COL28A1: variants seen among roughly 807,000 people sequenced by gnomAD.
COL28A1 encodes collagen type XXVIII alpha 1 chain.
A neutral mutation model predicts 150.2 loss-of-function variants in COL28A1; 161 were observed. That is an observed-to-expected ratio of 1.07 (90% CI 0.94 to 1.22). The LOEUF (loss-of-function observed/expected upper bound fraction) is 1.22. Among genes scored for constraint, COL28A1 ranks in the 50% most tolerant of loss-of-function variants. The probability of loss-of-function intolerance (pLI) is 0.00; values close to 1 mark genes in which losing one functional copy is unlikely to be tolerated. For synonymous variants in COL28A1, 552 were observed against 469.7 expected (o/e 1.18, Z -2.26); for missense variants, 1,617 against 1,388.3 (o/e 1.16, Z -2.62).
chr7:7,525,060 T>G (rs1214272819), intron 3 of COL28A1, among the ~76,000 whole-genome samples: 3 of 152,102 alleles, frequency 2.0e-5, no homozygotes, highest in East Asian at 3.8e-4. Flanking sequence ...AAAAACTAAG[T>G]GATAGAAAAG....
intron 25 of COL28A1, among the ~76,000 whole-genome samples, chr7:7,426,356 C>T (rs757176316): frequency 6.6e-5 from 10 of 152,172 alleles, no homozygotes; most frequent in Non-Finnish European, 1.3e-4. Context: ...CCACCTATGT[C>T]ATGTGTTAGG....
intron 6 of COL28A1, among the ~76,000 whole-genome samples, chr7:7,518,577 T>C (rs908049766): frequency 4.6e-5 from 7 of 152,352 alleles, no homozygotes; most frequent in Admixed American, 2.0e-4. Context: ...TTTGTTAGTA[T>C]TTGAGTACCT....
intron 18 of COL28A1, among the ~76,000 whole-genome samples, chr7:7,445,299 A>C (rs1786164369): frequency 1.3e-5 from 2 of 152,200 alleles, no homozygotes; most frequent in African/African-American, 4.8e-5. Flanking sequence ...GTGATAAGAG[A>C]GGCAAAGACT....
upstream of COL28A1, among the ~76,000 whole-genome samples, chr7:7,537,401 G>C (rs1782682111): frequency 6.6e-6 from 1 of 152,132 alleles, no homozygotes; most frequent in Admixed American, 6.5e-5. Flanking sequence ...GCCTGGCCCA[G>C]GAATTGAATT....
chr7:7,400,983 T>G (rs915648225), intron 27 of COL28A1, among the ~76,000 whole-genome samples: 77 of 132,934 alleles, frequency 5.8e-4, no homozygotes, highest in African/African-American at 2.1e-3. Flanking sequence ...TGGGTGTGTG[T>G]GTGTGTGTGT....
intron 27 of COL28A1, among the ~76,000 whole-genome samples, chr7:7,385,313 G>C (rs1044266359): frequency 4.6e-5 from 7 of 152,274 alleles, no homozygotes; most frequent in African/African-American, 1.2e-4. Context: ...CCTAAGTTAG[G>C]GGGTACAGTT....
intron 5 of COL28A1, among the ~76,000 whole-genome samples, chr7:7,521,563 T>C (rs565519976): frequency 1.3e-5 from 2 of 152,234 alleles, no homozygotes; most frequent in Non-Finnish European, 2.9e-5. Flanking sequence ...GATAAAGCTT[T>C]GCTTAAAGCA....
chr7:7,454,346 T>A (rs1349655006), intron 16 of COL28A1, among the ~76,000 whole-genome samples: 1 of 152,184 alleles, frequency 6.6e-6, no homozygotes, highest in East Asian at 1.9e-4. Context: ...ATTGAATAAC[T>A]GCATAGACAG....
downstream of COL28A1, among the ~76,000 whole-genome samples, chr7:7,355,364 C>G: frequency 1.3e-5 from 2 of 152,048 alleles, no homozygotes; most frequent in Non-Finnish European, 2.9e-5. Context: ...ACCCCAAACA[C>G]TTTGGGAGGC....
intron 18 of COL28A1, among the ~76,000 whole-genome samples, chr7:7,450,907 T>C (rs1032453932): frequency 6.6e-6 from 1 of 152,120 alleles, no homozygotes; most frequent in Non-Finnish European, 1.5e-5. Flanking sequence ...TGACTATAAA[T>C]ATATTGCAGA....
At chr7:7,361,906 C>G (rs531204017) in intron 33 of COL28A1, among the ~76,000 whole-genome samples, 32 of 152,252 alleles carry the variant, frequency 2.1e-4, no homozygotes, top group African/African-American at 7.7e-4. Flanking sequence ...TAGAAACCAT[C>G]ATTCTTAGCA....
intron 11 of COL28A1, among the ~76,000 whole-genome samples, chr7:7,497,394 TAAG>T (rs1027688168): frequency 6.6e-6 from 1 of 152,210 alleles, no homozygotes; most frequent in African/African-American, 2.4e-5. Flanking sequence ...ACCACAGCTC[TAAG>T]AAGTAGTTAC....
At chr7:7,498,459 G>A (rs1234547901) in intron 11 of COL28A1, among the ~76,000 whole-genome samples, 1 of 152,150 alleles carries the variant, frequency 6.6e-6, no homozygotes, top group Non-Finnish European at 1.5e-5. Flanking sequence ...TTGGAGGCTG[G>A]GAGGAGGGAA....
chr7:7,521,555 T>C (rs368403799), intron 5 of COL28A1, among the ~76,000 whole-genome samples: 36 of 152,376 alleles, frequency 2.4e-4, no homozygotes, highest in African/African-American at 8.4e-4. Context: ...TCTAGTAGGA[T>C]AAAGCTTTGC....
chr7:7,350,345 G>A, the COL28A1 span, among the ~76,000 whole-genome samples: 1 of 152,060 alleles, frequency 6.6e-6, no homozygotes, highest in East Asian at 1.9e-4. Context: ...TGGAATACAG[G>A]GACTCCTGGT....
chr7:7,505,385 T>G (rs1336358177), intron 11 of COL28A1, among the ~76,000 whole-genome samples: 1 of 152,192 alleles, frequency 6.6e-6, no homozygotes, highest in African/African-American at 2.4e-5. Flanking sequence ...AAAAAGGAAC[T>G]AAACAGCTTG....
At chr7:7,368,389 G>GTTTTTTTTTTTGTTTT (rs34289231) in intron 33 of COL28A1, among the ~76,000 whole-genome samples, 2 of 150,126 alleles carry the variant, frequency 1.3e-5, no homozygotes, top group African/African-American at 5.0e-5. Context: ...TTTGCCTACT[G>GTTTTTTTTTTTGTTTT]TTTTTTTTGT....
intron 15 of COL28A1, among the ~76,000 whole-genome samples, chr7:7,468,451 T>C (rs1788203318): frequency 1.9e-5 from 2 of 107,784 alleles, no homozygotes; most frequent in South Asian, 3.7e-4. Context: ...GGCTCTGAAA[T>C]TGTGGCAATA....
At chr7:7,432,407 T>C (rs1451172110) in intron 25 of COL28A1, 66 bp downstream of exon 25, 3 of 1,365,670 alleles carry the variant, frequency 2.2e-6, no homozygotes, top group Non-Finnish European at 2.1e-6. Flanking sequence ...ATTTTATTTT[T>C]ACCAAAGTCA....
Sources: allele counts gnomAD v4.1 joint callset (sites outside exome capture counted in the v4.1 genomes callset), GRCh38; gene constraint gnomAD v4.1.1; transcripts MANE v1.5; gene names NCBI Gene and HGNC (gene_info 2026-07-23, HGNC 2026-07-21).